The following MAN2A1 variants were observed in gnomAD, a reference collection of about 807,000 sequenced individuals.
The protein encoded by MAN2A1 is alpha-mannosidase 2.
A neutral mutation model predicts 142.6 loss-of-function variants in MAN2A1; 76 were observed. That is an observed-to-expected ratio of 0.53 (90% CI 0.44 to 0.65). MAN2A1 has a LOEUF of 0.65. MAN2A1 is among the 30% of genes least tolerant of loss of function. The pLI, the probability that MAN2A1 is intolerant of heterozygous loss-of-function variation, is 0.00. For missense variants in MAN2A1, 1,311 were observed against 1,365.1 expected (o/e 0.96, Z 0.62); for synonymous variants, 559 against 473.2 (o/e 1.18, Z -2.35).
rs75396416 is a variant in MAN2A1 at position 109,726,410 on chromosome 5, G to A, written c.536-2932G>A. ...ATTTACTGTTATATTACTCAGTACT[G>A]AAAGCTGCAAGAGGCTATCTTTCAG... On this transcript the variant is annotated intron_variant, in intron 3 of 21. Coordinates refer to ENST00000261483, the MANE Select transcript of MAN2A1 (RefSeq NM_002372.4). Among the ~76,000 whole-genome samples the A allele has an allele frequency of 5.7e-3, 869 of 152,280 alleles. 11 individuals carry two copies. Among genetic ancestry groups the A allele is most frequent in the African/African-American group, 0.02 (819 of 41,562 alleles).
rs529548619 is a variant in MAN2A1 at position 109,815,966 on chromosome 5, A to C, written c.1944-1307A>C. On this transcript the variant is annotated intron_variant, in intron 12 of 21. Transcript: ENST00000261483. Reference sequence around the variant, plus strand: ...ATTAGTCCAACATCCTCTTTGAAATACTCTTCATTTGAAGACAATATGATG... The same window carrying C: ...ATTAGTCCAACATCCTCTTTGAAATCCTCTTCATTTGAAGACAATATGATG... Among the ~76,000 whole-genome samples, 13 of 152,310 alleles carry C rather than the reference A, an allele frequency of 8.5e-5. No individual in the cohort carries two copies. The South Asian group carries it at 2.7e-3, about 32-fold the overall frequency.
chr5:109,702,275 G>A (rs142001083), intron 1 of MAN2A1, among the ~76,000 whole-genome samples: 1 of 151,662 alleles, frequency 6.6e-6, no homozygotes, highest in African/African-American at 2.4e-5. Context: ...CAAATGATAA[G>A]ACTAAATTAT....
intron 12 of MAN2A1, among the ~76,000 whole-genome samples, chr5:109,816,503 G>C (rs1388545235): frequency 6.6e-6 from 1 of 151,906 alleles, no homozygotes; most frequent in African/African-American, 2.4e-5. Flanking sequence ...TTCACTTCAA[G>C]TGACCTTTTT....
chr5:109,735,802 T>C (rs1752075188), intron 4 of MAN2A1, among the ~76,000 whole-genome samples: 1 of 152,062 alleles, frequency 6.6e-6, no homozygotes, highest in Non-Finnish European at 1.5e-5. Flanking sequence ...AGTAATCTTT[T>C]TGGATTTTGA....
chr5:109,862,384 A>G (rs1254335533), intron 20 of MAN2A1: 1 of 152,170 alleles, frequency 6.6e-6, no homozygotes, highest in Non-Finnish European at 1.5e-5. Flanking sequence ...TAAGTTTGCA[A>G]TGGGTTTTCT....
chr5:109,781,178 A>G (rs996250458), intron 8 of MAN2A1, among the ~76,000 whole-genome samples: 12 of 152,168 alleles, frequency 7.9e-5, no homozygotes, highest in East Asian at 5.8e-4. Context: ...GCTGAAGTGT[A>G]TAAGTTTTCC....
At chr5:109,818,948 A>AATCTTGAGC (rs1240401729) in intron 13 of MAN2A1, among the ~76,000 whole-genome samples, 3 of 152,192 alleles carry the variant, frequency 2.0e-5, no homozygotes, top group African/African-American at 7.2e-5. Flanking sequence ...GGGATAACAA[A>AATCTTGAGC]ATCTATGGAT....
intron 5 of MAN2A1, among the ~76,000 whole-genome samples, chr5:109,758,272 C>T (rs995352279): frequency 6.6e-6 from 1 of 152,076 alleles, no homozygotes. Context: ...TTCCTAAAGA[C>T]TAGTGGTACT....
At chr5:109,708,310 A>G (rs760115402) in intron 1 of MAN2A1, among the ~76,000 whole-genome samples, 1 of 152,130 alleles carries the variant, frequency 6.6e-6, no homozygotes, top group Non-Finnish European at 1.5e-5. Context: ...TGGGAACTTT[A>G]CAAGGTCAGT....
chr5:109,739,264 A>G (rs1752197976), intron 4 of MAN2A1, among the ~76,000 whole-genome samples: 1 of 152,126 alleles, frequency 6.6e-6, no homozygotes, highest in African/African-American at 2.4e-5. Flanking sequence ...TGAAATTTCA[A>G]ATTTTCACTA....
intron 12 of MAN2A1, among the ~76,000 whole-genome samples, chr5:109,797,208 G>A (rs1199594703): frequency 6.6e-6 from 1 of 152,066 alleles, no homozygotes; most frequent in African/African-American, 2.4e-5. Flanking sequence ...AGACTCAGAA[G>A]TGTAGCTTAC....
At chr5:109,705,121 C>G (rs777475844) in intron 1 of MAN2A1, among the ~76,000 whole-genome samples, 5 of 152,078 alleles carry the variant, frequency 3.3e-5, no homozygotes, top group Admixed American at 1.3e-4. Context: ...GCAAAAAACT[C>G]AATGCCAATT....
At chr5:109,791,087 G>T (rs1326717334) in intron 12 of MAN2A1, among the ~76,000 whole-genome samples, 1 of 151,966 alleles carries the variant, frequency 6.6e-6, no homozygotes, top group Non-Finnish European at 1.5e-5. Flanking sequence ...AATTTCGGGG[G>T]CTATTAGTAA....
chr5:109,766,660 ATCT>A (rs1753000143), intron 5 of MAN2A1, among the ~76,000 whole-genome samples: 1 of 152,094 alleles, frequency 6.6e-6, no homozygotes, highest in Non-Finnish European at 1.5e-5. Context: ...GTCTTTCATC[ATCT>A]TAGGTAAGGT....
intron 20 of MAN2A1, among the ~76,000 whole-genome samples, chr5:109,861,356 C>T (rs1268426316): frequency 6.6e-6 from 1 of 152,154 alleles, no homozygotes; most frequent in Non-Finnish European, 1.5e-5. Context: ...AAAAACATTG[C>T]CAGAGTAAAT....
intron 18 of MAN2A1, among the ~76,000 whole-genome samples, chr5:109,846,291 G>A (rs1449408984): frequency 6.6e-6 from 1 of 152,120 alleles, no homozygotes; most frequent in African/African-American, 2.4e-5. Context: ...ATTTTGCAGA[G>A]GTCTCCATCA....
intron 5 of MAN2A1, among the ~76,000 whole-genome samples, chr5:109,757,608 A>G (rs1416072447): frequency 6.6e-6 from 1 of 152,144 alleles, no homozygotes; most frequent in Non-Finnish European, 1.5e-5. Flanking sequence ...AAATTCATAG[A>G]TTTGTGCAAC....
chr5:109,696,604 C>T (rs1750819359), intron 1 of MAN2A1, among the ~76,000 whole-genome samples: 1 of 152,214 alleles, frequency 6.6e-6, no homozygotes, highest in African/African-American at 2.4e-5. Flanking sequence ...TGTCTAGCAG[C>T]ATCCTTGCTG....
Position 109,867,270 on chromosome 5 carries a change from T to C in MAN2A1, c.*272T>C, listed in dbSNP as rs1755911952. 4.3e-6 allele frequency: 1 copy of C among 235,052 alleles called. No homozygotes were observed. Among genetic ancestry groups the C allele is most frequent in the African/African-American group, 2.3e-5 (1 of 44,408 alleles). 14.6% of individuals were successfully genotyped at this position (235,052 alleles called of 1,614,324 possible). On this transcript the variant is annotated 3_prime_UTR_variant, in exon 22 of 22. Coordinates refer to ENST00000261483, the MANE Select transcript of MAN2A1 (RefSeq NM_002372.4). ...ATTGATGCAACAAATGAAGAAATATTTAAAGACAGCCTCTCAACAGATTGT... is the reference window on the plus strand; with the variant it reads ...ATTGATGCAACAAATGAAGAAATATCTAAAGACAGCCTCTCAACAGATTGT...
Sources: gnomAD v4.1 joint callset for allele counts (sites outside exome capture counted in the v4.1 genomes callset) on GRCh38, gnomAD v4.1.1 for gene constraint, MANE v1.5 for transcripts, NCBI Gene and HGNC (gene_info 2026-07-23, HGNC 2026-07-21) for gene names.